PGS1: variants seen among roughly 807,000 people sequenced by gnomAD.
PGS1 encodes the protein CDP-diacylglycerol--glycerol-3-phosphate 3-phosphatidyltransferase, mitochondrial.
In PGS1, 44 loss-of-function variants were observed where a neutral mutation model predicts 58.3. The ratio of observed to expected loss-of-function variants is 0.75; its 90% confidence interval spans 0.59 to 0.97. The LOEUF (loss-of-function observed/expected upper bound fraction) is 0.97, where lower values mean the gene tolerates loss of function less well. Ranked by LOEUF, PGS1 falls within the 50% of genes least tolerant of loss-of-function variation. The probability of loss-of-function intolerance (pLI) is 0.00; values close to 1 mark genes in which losing one functional copy is unlikely to be tolerated. For missense variants in PGS1, 684 were observed against 731.1 expected (o/e 0.94, Z 0.74); for synonymous variants, 330 against 311.0 (o/e 1.06, Z -0.64).
chr17:78,406,680 C>T (rs189556755), intron 7 of PGS1, among the ~76,000 whole-genome samples: 1 of 152,314 alleles, frequency 6.6e-6, no homozygotes, highest in East Asian at 1.9e-4. Context: ...TTTGGATTGG[C>T]GTTACTTCTG....
In PGS1 at chr17:78,398,407, A is replaced by C. The variant is rs2083408175; in HGVS notation, c.511+56A>C. 2.5e-6 allele frequency: 3 copies of C among 1,198,294 alleles called. No homozygotes were observed. In the African/African-American group the frequency reaches 4.5e-5, roughly 18 times the overall value. The allele number at this position is 1,198,294 out of a possible 1,614,324, so 74.2% of individuals were successfully genotyped here. A position where few individuals can be genotyped will look rare whatever the true frequency, so the allele number is the denominator to read the frequency against. On this transcript the variant is annotated intron_variant, in intron 4 of 9. Transcript: ENST00000262764. ...CTTCCTGTGTCAGATCCTCAGTCCCAAGAGGGGTTACTGTCACCCCCTCAT... is the reference window on the plus strand; with the variant it reads ...CTTCCTGTGTCAGATCCTCAGTCCCCAGAGGGGTTACTGTCACCCCCTCAT...
rs936382867 is a variant in PGS1, at chr17:78,424,284, G to A, written c.*234G>A. The stretch of plus-strand genomic sequence containing the variant: ...CTCTACCCCAAAAGGCTTCAGGCCA[G>A]CTGCCACGGCTGGAAGCAGAGGCCT... On this transcript the variant is annotated 3_prime_UTR_variant, in exon 10 of 10. Transcript: ENST00000262764. 15 of 1,187,930 alleles carry A rather than the reference G, an allele frequency of 1.3e-5. No individual in the cohort carries two copies. The highest frequency in any genetic ancestry group is 1.7e-5 in the Non-Finnish European group (15 of 873,222). The allele number at this position is 1,187,930 out of a possible 1,614,324, so 73.6% of individuals were successfully genotyped here.
intron 3 of PGS1, 161 bp from the exon 4 acceptor site, chr17:78,398,091 C>CA: frequency 1.4e-6 from 1 of 716,020 alleles, no homozygotes; most frequent in Non-Finnish European, 2.6e-6. Context: ...AAGGTGCTCT[C>CA]AGACAGATAG....
At chr17:78,405,542 C>T (rs919664549) in intron 7 of PGS1, among the ~76,000 whole-genome samples, 14 of 152,126 alleles carry the variant, frequency 9.2e-5, no homozygotes, top group Non-Finnish European at 1.0e-4. Context: ...GCGGAGCAGC[C>T]GAAATGGGGC....
intron 1 of PGS1, among the ~76,000 whole-genome samples, chr17:78,386,124 A>G (rs993032973): frequency 3.9e-5 from 6 of 152,120 alleles, no homozygotes; most frequent in Admixed American, 3.9e-4. Flanking sequence ...AGGTGACTGA[A>G]CCTTTCTCCT....
intron 9 of PGS1, chr17:78,421,981 G>A (rs908497622): frequency 7.2e-5 from 11 of 152,098 alleles, no homozygotes; most frequent in Admixed American, 6.5e-4. Context: ...TGTGTTCCCC[G>A]TCGCTGGAGT....
At chr17:78,394,357 G>C (rs568985013) in intron 2 of PGS1, among the ~76,000 whole-genome samples, 1 of 151,678 alleles carries the variant, frequency 6.6e-6, no homozygotes, top group African/African-American at 2.4e-5. Flanking sequence ...TCTGTTTGTT[G>C]ATCCACGCTT....
rs566665689 is a variant in PGS1 at position 78,379,239 on chromosome 17, G to A, written c.143+431G>A. Among the ~76,000 whole-genome samples the A allele has an allele frequency of 1.4e-3, 217 of 152,294 alleles. 2 individuals carry two copies. Among genetic ancestry groups the A allele is most frequent in the African/African-American group, 4.8e-3 (201 of 41,554 alleles). On this transcript the variant is annotated intron_variant, in intron 1 of 9. Coordinates refer to ENST00000262764, the MANE Select transcript of PGS1 (RefSeq NM_024419.5). ...AGAGTTCAGAGGGGTCTTTTCCTTA[G>A]GTAAGCCTGGCTGTGAGTGAATCAC...
chr17:78,418,433 A>C lies in PGS1; in HGVS notation c.1552-1113A>C, dbSNP rs190835433. Among the ~76,000 whole-genome samples the C allele has an allele frequency of 1.4e-3, 215 of 152,152 alleles. 1 individual carries two copies. The highest frequency in any genetic ancestry group is 5.0e-3 in the African/African-American group (208 of 41,500). On this transcript the variant is annotated intron_variant, in intron 8 of 9. Coordinates refer to ENST00000262764, the MANE Select transcript of PGS1 (RefSeq NM_024419.5). ...GATGACGATTCTGTCGTGTGTGTGT[A>C]TTTCGTGTCCAGCTTCCTTTGCCTG...
intron 1 of PGS1, among the ~76,000 whole-genome samples, chr17:78,390,622 C>T (rs768019554): frequency 6.6e-6 from 1 of 152,194 alleles, no homozygotes; most frequent in Non-Finnish European, 1.5e-5. Context: ...TCCTCTCCCC[C>T]ACGTCCCTCT....
intron 7 of PGS1, among the ~76,000 whole-genome samples, chr17:78,412,945 A>G (rs112505182): frequency 0.026 from 3,646 of 142,796 alleles, 144 homozygotes; most frequent in African/African-American, 0.09. Context: ...GCTCTGGGGA[A>G]GAGGGGGTGG....
intron 8 of PGS1, among the ~76,000 whole-genome samples, chr17:78,416,096 CTGAT>C (rs1472824998): frequency 2.0e-5 from 3 of 152,176 alleles, no homozygotes; most frequent in Non-Finnish European, 2.9e-5. Flanking sequence ...TTGTCAGTGA[CTGAT>C]TGATTGGGGC....
intron 8 of PGS1, among the ~76,000 whole-genome samples, chr17:78,415,240 C>A (rs2085076914): frequency 6.6e-6 from 1 of 152,166 alleles, no homozygotes; most frequent in South Asian, 2.1e-4. Flanking sequence ...GCGTTGCACC[C>A]CACGTCCTGG....
chr17:78,379,829 CA>C (rs372553390), intron 1 of PGS1, among the ~76,000 whole-genome samples: 165 of 139,264 alleles, frequency 1.2e-3, no homozygotes, highest in African/African-American at 2.6e-3. Context: ...AACTCTGTTT[CA>C]AAAAAAAAAA....
At chr17:78,418,147 C>A (rs1467205463) in intron 8 of PGS1, among the ~76,000 whole-genome samples, 1 of 151,952 alleles carries the variant, frequency 6.6e-6, no homozygotes, top group African/African-American at 2.4e-5. Flanking sequence ...CCAGGCTGGT[C>A]TCGAACTCCT....
chr17:78,416,537 C>G (rs1358230202), intron 8 of PGS1, among the ~76,000 whole-genome samples: 1 of 147,818 alleles, frequency 6.8e-6, no homozygotes, highest in Non-Finnish European at 1.5e-5. Flanking sequence ...CGTCCTCCCC[C>G]ACTGCCCTAG....
At chr17:78,392,223 G>C (rs2082886449) in intron 1 of PGS1, among the ~76,000 whole-genome samples, 1 of 152,204 alleles carries the variant, frequency 6.6e-6, no homozygotes, top group Non-Finnish European at 1.5e-5. Flanking sequence ...TTATCTATAG[G>C]TATTGACACT....
chr17:78,417,047 C>T (rs893870332), intron 8 of PGS1, among the ~76,000 whole-genome samples: 8 of 152,124 alleles, frequency 5.3e-5, no homozygotes, highest in Non-Finnish European at 4.4e-5. Context: ...ATCTGAAGCC[C>T]CTCCCTCCAC....
intron 1 of PGS1, among the ~76,000 whole-genome samples, chr17:78,386,543 T>C (rs917301541): frequency 6.6e-6 from 1 of 152,184 alleles, no homozygotes; most frequent in Non-Finnish European, 1.5e-5. Context: ...GATGTGGAAA[T>C]TGTGTGTGTA....
Sources: allele counts gnomAD v4.1 joint callset (sites outside exome capture counted in the v4.1 genomes callset), GRCh38; gene constraint gnomAD v4.1.1; transcripts MANE v1.5; gene names NCBI Gene and HGNC (gene_info 2026-07-23, HGNC 2026-07-21).